The following MYH7 variants were observed in gnomAD, a reference collection of about 807,000 sequenced individuals.
MYH7 encodes the protein myosin-7.
A neutral mutation model predicts 225.4 loss-of-function variants in MYH7; 129 were observed. The observed-to-expected ratio is 0.57, with a 90% confidence interval of 0.50 to 0.66. The LOEUF is 0.66. MYH7 is among the 30% of genes least tolerant of loss of function. The probability of loss-of-function intolerance (pLI) is 0.00; values close to 1 mark genes in which losing one functional copy is unlikely to be tolerated. For synonymous variants in MYH7, 971 were observed against 1,007.6 expected (o/e 0.96, Z 0.69); for missense variants, 1,649 against 2,517.0 (o/e 0.66, Z 7.38).
chr14:23,426,754 T>C, intron 18 of MYH7, 23 bp downstream of exon 18: 1 of 1,606,890 alleles, frequency 6.2e-7, no homozygotes, highest in South Asian at 1.1e-5. Context: ...CAGCAGTGGG[T>C]TGGCCTGAGT....
intron 37 of MYH7, among the ~76,000 whole-genome samples, 176 bp from the exon 38 acceptor site, chr14:23,414,278 T>C (rs1323465450): frequency 6.6e-6 from 1 of 152,202 alleles, no homozygotes; most frequent in Non-Finnish European, 1.5e-5. Context: ...TTTTAAATGA[T>C]CTGTACCAGG....
At position 23,426,769 on chromosome 14, in the gene MYH7, G is replaced by A. The variant is rs1158398668; in HGVS notation, c.2044+8C>T. On this transcript the variant is annotated splice_region_variant and intron_variant, in intron 18 of 39. Coordinates refer to ENST00000355349, the MANE Select transcript of MYH7 (RefSeq NM_000257.4). ...CAGCAGTGGGTTGGCCTGAGTTTGT[G>A]GCCTCACCTGGAGACTTTGTCTCAT... 2 of 1,613,518 alleles carry A rather than the reference G, an allele frequency of 1.2e-6. No individual in the cohort carries two copies. Among genetic ancestry groups the A allele is most frequent in the Non-Finnish European group, 1.7e-6 (2 of 1,179,576 alleles).
chr14:23,431,268 A>G (rs1461860746), intron 9 of MYH7, 150 bp downstream of exon 9: 1 of 836,238 alleles, frequency 1.2e-6, no homozygotes, highest in East Asian at 2.4e-5. Context: ...AGAGAGACAG[A>G]TATGTAGACC....
Position 23,420,195 on chromosome 14 carries a change from G to C in MYH7, c.3376C>G (p.Arg1126Gly). The change falls in exon 27 of 40, where the codon CGC (arginine) becomes GGC (glycine). Residue 1126 changes from arginine (R) to glycine (G), a missense_variant. Coordinates refer to ENST00000355349, the MANE Select transcript of MYH7 (RefSeq NM_000257.4). ...TTCTCCACCTTAGCCCTGGCGGTGC[G>C]CTCGGCCTCCAGCTCCTCCTCCAGC... is the stretch of plus-strand genomic sequence containing the variant. The part of the protein sequence containing the change: ...EELEEELEAE[R>G]TARAKVEKLR... 1 of 1,607,860 alleles carries C rather than the reference G, an allele frequency of 6.2e-7. No individual in the cohort carries two copies. The highest frequency in any genetic ancestry group is 1.7e-5 in the Admixed American group (1 of 59,752).
chr14:23,417,232 C>T lies in MYH7; in HGVS notation c.4440G>A (p.Glu1480=). Residue 1480 remains glutamate (E), a synonymous_variant, in exon 32 of 40, where the codon GAG becomes GAA. Transcript: ENST00000355349. ...CATAGGCGTTCTTGAGTTTGAAGAG[C>T]TCTGTGCTGAGGGAGCGAGCCTCCT... is the stretch of plus-strand genomic sequence containing the variant. ...SQKEARSLST[E]LFKLKNAYEE... The T allele has an allele frequency of 1.9e-6, 3 of 1,614,194 alleles. No individual in the cohort carries two copies. The highest frequency in any genetic ancestry group is 2.5e-6 in the Non-Finnish European group (3 of 1,180,018).
intron 39 of MYH7, among the ~76,000 whole-genome samples, 188 bp from the exon 40 acceptor site, chr14:23,413,059 G>A (rs1266711259): frequency 3.3e-5 from 5 of 152,210 alleles, no homozygotes; most frequent in Admixed American, 3.3e-4. Flanking sequence ...TGGAGGGTAG[G>A]GTTCTGGGGT....
In MYH7 at chr14:23,415,600, C is replaced by T; in HGVS notation, c.5157+29G>A. The T allele has an allele frequency of 1.2e-6, 2 of 1,613,700 alleles. No individual in the cohort carries two copies. Among genetic ancestry groups the T allele is most frequent in the Non-Finnish European group, 1.7e-6 (2 of 1,180,024 alleles). ...CTTGCTGAGCCCCAGCCTGTGCTCC[C>T]TTCAGGAATGAGCAGGGGAGCTGCT... On this transcript the variant is annotated intron_variant, in intron 35 of 39. Transcript: ENST00000355349. This position sits in a 1 kb window ranked among gnomAD's most constrained non-coding sequence, Gnocchi z 6.3.
At chr14:23,414,875 G>C (rs568783732) in intron 37 of MYH7, 120 bp downstream of exon 37, 38 of 1,540,352 alleles carry the variant, frequency 2.5e-5, no homozygotes, top group Non-Finnish European at 3.2e-5. Flanking sequence ...AAAGTGAAAC[G>C]GGGGCTGCAT....
intron 1 of MYH7, among the ~76,000 whole-genome samples, chr14:23,434,657 A>C (rs1893076934): frequency 6.6e-6 from 1 of 152,180 alleles, no homozygotes; most frequent in African/African-American, 2.4e-5. Context: ...GAGGAAATCG[A>C]GGTTAAATGG....
Position 23,416,284 on chromosome 14 carries a change from A to C in MYH7, c.4673T>G (p.Ile1558Ser), listed in dbSNP as rs200593263. ...EASLEHEEGK[I>S]LRAQLEFNQI... ...GTTGAACTCCAGCTGGGCCCGGAGG[A>C]TCTTGCCCTCCTCGTGCTCCAGGGA... The change falls in exon 34 of 40, where the codon ATC becomes AGC. Residue 1558 changes from isoleucine to serine, a missense_variant. Around this residue, in one of 12 missense-constraint regions of MYH7, gnomAD observed 687 missense variants for 913.8 expected, o/e 0.75. Coordinates refer to ENST00000355349, the MANE Select transcript of MYH7 (RefSeq NM_000257.4). 1.2e-6 allele frequency: 2 copies of C among 1,612,224 alleles called. No individual in the cohort carries two copies. The highest frequency in any genetic ancestry group is 3.3e-5 in the Admixed American group (2 of 59,902).
rs151113658 is a variant in MYH7, at chr14:23,416,046, G to A, written c.4911C>T (p.Ala1637=). ...IQLSHANRMA[A]EAQKQVKSLQ... ...GGCTCTTGACTTGCTTCTGGGCCTCGGCGGCCATGCGGTTGGCGTGGCTGA... is the reference window on the plus strand; with the variant it reads ...GGCTCTTGACTTGCTTCTGGGCCTCAGCGGCCATGCGGTTGGCGTGGCTGA... Residue 1637 remains alanine (A), a synonymous_variant, in exon 34 of 40, where the codon GCC becomes GCT. Transcript: ENST00000355349. 1.8e-5 allele frequency: 29 copies of A among 1,614,034 alleles called. No homozygotes were observed. Among genetic ancestry groups the A allele is most frequent in the East Asian group, 2.2e-5 (1 of 44,904 alleles).
rs750013359 is a variant in MYH7, at chr14:23,415,681, G to A, written c.5105C>T (p.Ala1702Val). The change falls in exon 35 of 40, where the codon GCG becomes GTG. Residue 1702 changes from alanine to valine, a missense_variant. Ala to Val is a moderately conservative substitution (Grantham distance 64). Transcript: ENST00000355349. The surrounding 1 kb of genome is among the most constrained non-coding windows in gnomAD (Gnocchi z 6.3). ...ACTAGTCTCAATCAGCTCCTGCTCC[G>A]CCAGCTTCCGGGACCGCTCTGTCTG... The part of the protein sequence containing the change: ...VEQTERSRKL[A>V]EQELIETSER... 5.0e-6 allele frequency: 8 copies of A among 1,614,008 alleles called. No homozygotes were observed. The South Asian group carries it at 5.5e-5, about 11-fold the overall frequency.
chr14:23,433,854 G>A lies in MYH7; in HGVS notation c.-8-114C>T, dbSNP rs1893050633. ...CTAGCACCATGCTCAAGAGTCAAGA[G>A]GAGTTACCAGTGAGTCCCTTCCTCT... is the stretch of plus-strand genomic sequence containing the variant. On this transcript the variant is annotated intron_variant, in intron 2 of 39. Coordinates refer to ENST00000355349, the MANE Select transcript of MYH7 (RefSeq NM_000257.4). The surrounding 1 kb of genome is among the most constrained non-coding windows in gnomAD (Gnocchi z 4.1). 1 of 1,044,654 alleles carries A rather than the reference G, an allele frequency of 9.6e-7. No individual in the cohort carries two copies. The highest frequency in any genetic ancestry group is 1.4e-5 in the South Asian group (1 of 73,900). 64.7% of individuals were successfully genotyped at this position (1,044,654 alleles called of 1,614,324 possible).
In MYH7 at chr14:23,433,770, C is replaced by T. The variant is rs1460513462; in HGVS notation, c.-8-30G>A. On this transcript the variant is annotated intron_variant, in intron 2 of 39. Transcript: ENST00000355349. The surrounding 1 kb of genome is among the most constrained non-coding windows in gnomAD (Gnocchi z 4.1). ...AGTGAGCAGAAGCTGGCTGCCCTCCCATCTGCCCATTCTTCCCTTCCCTCC... is the reference window on the plus strand; with the variant it reads ...AGTGAGCAGAAGCTGGCTGCCCTCCTATCTGCCCATTCTTCCCTTCCCTCC... The T allele has an allele frequency of 1.2e-6, 2 of 1,607,390 alleles. No homozygotes were observed. Among genetic ancestry groups the T allele is most frequent in the Admixed American group, 1.7e-5 (1 of 59,974 alleles).
In MYH7 at chr14:23,417,496, G is replaced by C; in HGVS notation, c.4353+7C>G. On this transcript the variant is annotated splice_region_variant and intron_variant, in intron 31 of 39. Transcript: ENST00000355349. ...CATGCTGGCTGCGGCCCCCACCCAG[G>C]GCCCACCTTGTCGAAGTTCCTCTGC... 6.2e-7 allele frequency: 1 copy of C among 1,612,254 alleles called. No individual in the cohort carries two copies. The highest frequency in any genetic ancestry group is 1.1e-5 in the South Asian group (1 of 90,992).
chr14:23,433,213 C>T lies in MYH7; in HGVS notation c.216G>A (p.Lys72=). 1 of 1,614,144 alleles carries T rather than the reference C, an allele frequency of 6.2e-7. No homozygotes were observed. The highest frequency in any genetic ancestry group is 8.5e-7 in the Non-Finnish European group (1 of 1,180,008). Reference sequence around the variant, plus strand: ...GGTTCTGCTGCATCACCTGGTCCTCCTTCACGGTCACTGTCTGCAAGAGCC... The same window carrying T: ...GGTTCTGCTGCATCACCTGGTCCTCTTTCACGGTCACTGTCTGCAAGAGCC... ...ETEYGKTVTV[K]EDQVMQQNPP... Residue 72 remains lysine, a synonymous_variant, in exon 4 of 40, where the codon AAG becomes AAA. Coordinates refer to ENST00000355349, the MANE Select transcript of MYH7 (RefSeq NM_000257.4). This position sits in a 1 kb window ranked among gnomAD's most constrained non-coding sequence, Gnocchi z 4.1.
rs748813191 is a variant in MYH7, at chr14:23,425,862, C to T, written c.2163-44G>A. The T allele has an allele frequency of 7.4e-6, 12 of 1,613,440 alleles. No individual in the cohort carries two copies. In the East Asian group the frequency reaches 2.0e-4, roughly 27 times the overall value. On this transcript the variant is annotated intron_variant, in intron 19 of 39. Transcript: ENST00000355349. This position sits in a 1 kb window ranked among gnomAD's most constrained non-coding sequence, Gnocchi z 4.6. Reference sequence around the variant, plus strand: ...AGAGTCACCCATGCTCTGCAGTGATCTGCTCTGCCCATAGAATTCCAGGGT... The same window carrying T: ...AGAGTCACCCATGCTCTGCAGTGATTTGCTCTGCCCATAGAATTCCAGGGT...
chr14:23,432,699 T>C lies in MYH7; in HGVS notation c.442A>G (p.Ser148Gly), dbSNP rs730880836. The C allele has an allele frequency of 1.9e-6, 3 of 1,614,062 alleles. No individual in the cohort carries two copies. Among genetic ancestry groups the C allele is most frequent in the Admixed American group, 3.3e-5 (2 of 60,020 alleles). ...GAGAAGATGTGGGGCGGGGCCTCGCTCCTCTTCTTGCCCCGGTAGGCAGCC... is the reference window on the plus strand; with the variant it reads ...GAGAAGATGTGGGGCGGGGCCTCGCCCCTCTTCTTGCCCCGGTAGGCAGCC... ...VVAAYRGKKRSEAPPHIFSIS... is the reference protein window; with the variant it reads ...VVAAYRGKKRGEAPPHIFSIS... Residue 148 changes from serine to glycine, a missense_variant, in exon 5 of 40, where the codon AGC (serine) becomes GGC (glycine). This residue lies in a region of MYH7 where 77 missense variants were observed against 144.0 expected (regional missense o/e 0.53). Transcript: ENST00000355349.
chr14:23,428,659 A>G lies in MYH7; in HGVS notation c.1419T>C (p.Phe473=), dbSNP rs1156825628. 6.2e-7 allele frequency: 1 copy of G among 1,614,098 alleles called. No individual in the cohort carries two copies. Among genetic ancestry groups the G allele is most frequent in the South Asian group, 1.1e-5 (1 of 91,072 alleles). Residue 473 remains phenylalanine (F), a synonymous_variant, in exon 15 of 40, where the codon TTT becomes TTC. Coordinates refer to ENST00000355349, the MANE Select transcript of MYH7 (RefSeq NM_000257.4). ...TGGTGAAGTTGATGCAGAGCTGCTC[A>G]AAGCTGTTGAACTGCAGGGGGCATG... ...AGFEIFDFNS[F]EQLCINFTNE... is the part of the protein sequence containing the mutation.
Sources: gnomAD v4.1 joint callset for allele counts (sites outside exome capture counted in the v4.1 genomes callset) on GRCh38, gnomAD v4.1.1 for gene constraint, gnomAD v4.1.1 regional missense constraint, Gnocchi (gnomAD v3.1) non-coding constraint, MANE v1.5 for transcripts, NCBI Gene and HGNC (gene_info 2026-07-23, HGNC 2026-07-21) for gene names.